Variants in IQCJ observed in about 807,000 individuals in gnomAD.
IQCJ encodes the protein IQ domain-containing protein J.
A neutral mutation model predicts 11.0 loss-of-function variants in IQCJ; 9 were observed. That is an observed-to-expected ratio of 0.82 (90% CI 0.49 to 1.43). The LOEUF is 1.43. IQCJ is among the 40% of genes most tolerant of loss of function. The pLI is 0.00. For synonymous variants in IQCJ, 55 were observed against 51.3 expected (o/e 1.07, Z -0.31); for missense variants, 146 against 133.2 (o/e 1.10, Z -0.47).
chr3:159,085,488 G>A (rs1173823190), intron 1 of IQCJ, among the ~76,000 whole-genome samples: 23 of 150,536 alleles, frequency 1.5e-4, no homozygotes, highest in Admixed American at 4.6e-4. Flanking sequence ...CTGAGGAATC[G>A]CCACACTGAC....
At chr3:159,117,401 A>G (rs1719094990) in intron 1 of IQCJ, among the ~76,000 whole-genome samples, 1 of 152,196 alleles carries the variant, frequency 6.6e-6, no homozygotes, top group South Asian at 2.1e-4. Context: ...TTCCAATTCC[A>G]GGCTCTAGAT....
chr3:159,252,009 C>A (rs1490836247), intron 2 of IQCJ, among the ~76,000 whole-genome samples: 2 of 152,086 alleles, frequency 1.3e-5, no homozygotes, highest in East Asian at 1.9e-4. Context: ...CTATTTTTTT[C>A]ATCCACTTCG....
At chr3:159,186,528 A>G (rs775652909) in intron 1 of IQCJ, among the ~76,000 whole-genome samples, 2 of 152,194 alleles carry the variant, frequency 1.3e-5, no homozygotes, top group Non-Finnish European at 2.9e-5. Flanking sequence ...TCTGTTATTC[A>G]GAATCAGCAA....
intron 1 of IQCJ, among the ~76,000 whole-genome samples, chr3:159,215,568 A>C (rs78078731): frequency 0.035 from 5,357 of 152,324 alleles, 286 homozygotes; most frequent in African/African-American, 0.12. Flanking sequence ...GTAGAAAACC[A>C]GACACATTTA....
At chr3:159,087,493 G>A (rs1031446647) in intron 1 of IQCJ, among the ~76,000 whole-genome samples, 3 of 151,888 alleles carry the variant, frequency 2.0e-5, no homozygotes, top group Non-Finnish European at 2.9e-5. Flanking sequence ...AGAAGGAATG[G>A]TACCAAGTCC....
intron 1 of IQCJ, among the ~76,000 whole-genome samples, chr3:159,240,977 T>C (rs1357150141): frequency 1.3e-5 from 2 of 152,254 alleles, no homozygotes; most frequent in Non-Finnish European, 2.9e-5. Context: ...ACTTTTATAA[T>C]GCTATGGCTC....
At chr3:159,130,531 C>A (rs1275844884) in intron 1 of IQCJ, among the ~76,000 whole-genome samples, 1 of 152,114 alleles carries the variant, frequency 6.6e-6, no homozygotes, top group Non-Finnish European at 1.5e-5. Context: ...TAAGATGTTT[C>A]CTCATCTGTA....
intron 1 of IQCJ, among the ~76,000 whole-genome samples, chr3:159,158,608 T>C (rs1162071382): frequency 5.3e-5 from 8 of 152,218 alleles, no homozygotes; most frequent in Non-Finnish European, 8.8e-5. Context: ...AAGTCAAGGA[T>C]TGGTGAACTT....
chr3:159,166,707 C>T (rs1444998812), intron 1 of IQCJ, among the ~76,000 whole-genome samples: 1 of 152,126 alleles, frequency 6.6e-6, no homozygotes, highest in Non-Finnish European at 1.5e-5. Flanking sequence ...AGGATGGTTT[C>T]CTCAGGTTAC....
In IQCJ at chr3:159,241,722, T is replaced by C. The variant is rs116115221; in HGVS notation, c.10-4121T>C. ...AAATCCTAAGGTAAAGTTTAAATAA[T>C]TAACATTGGTTGAGCAACTACTATG... On this transcript the variant is annotated intron_variant, in intron 1 of 3. Coordinates refer to ENST00000397832, the MANE Select transcript of IQCJ (RefSeq NM_001042706.3). Among the ~76,000 whole-genome samples the C allele has an allele frequency of 1.2e-3, 187 of 152,306 alleles. 1 individual carries two copies. Among genetic ancestry groups the C allele is most frequent in the African/African-American group, 4.4e-3 (181 of 41,570 alleles).
intron 1 of IQCJ, among the ~76,000 whole-genome samples, chr3:159,163,681 A>T (rs1362203427): frequency 6.6e-6 from 1 of 152,102 alleles, no homozygotes; most frequent in African/African-American, 2.4e-5. Flanking sequence ...TTCATGTATT[A>T]TCTCACTTGA....
intron 1 of IQCJ, among the ~76,000 whole-genome samples, chr3:159,134,303 C>T (rs1720161425): frequency 6.6e-6 from 1 of 152,220 alleles, no homozygotes; most frequent in South Asian, 2.1e-4. Flanking sequence ...ATCACCTTTG[C>T]CACATTCTGT....
chr3:159,157,690 C>T (rs1721603450), intron 1 of IQCJ, among the ~76,000 whole-genome samples: 1 of 152,196 alleles, frequency 6.6e-6, no homozygotes, highest in Non-Finnish European at 1.5e-5. Context: ...ACATGATTCT[C>T]ATGGCCCAGC....
At chr3:159,169,030 C>T (rs1252928277) in intron 1 of IQCJ, among the ~76,000 whole-genome samples, 1 of 152,018 alleles carries the variant, frequency 6.6e-6, no homozygotes, top group African/African-American at 2.4e-5. Context: ...AGCACATACT[C>T]TCTGAAGGAC....
intron 1 of IQCJ, among the ~76,000 whole-genome samples, chr3:159,126,572 G>C (rs1719689186): frequency 1.3e-5 from 2 of 152,172 alleles, no homozygotes; most frequent in South Asian, 4.1e-4. Context: ...AAAAAGGACA[G>C]GGTAGGTTCT....
intron 1 of IQCJ, among the ~76,000 whole-genome samples, chr3:159,170,666 G>A (rs931145615): frequency 2.1e-5 from 3 of 142,798 alleles, no homozygotes; most frequent in African/African-American, 7.9e-5. Flanking sequence ...TCTTGTTTTC[G>A]CTTGGCTTTG....
chr3:159,111,343 G>C (rs966928175), intron 1 of IQCJ, among the ~76,000 whole-genome samples: 3 of 152,056 alleles, frequency 2.0e-5, no homozygotes, highest in African/African-American at 7.2e-5. Context: ...GAACATACTT[G>C]TATTTGAACT....
intron 1 of IQCJ, among the ~76,000 whole-genome samples, chr3:159,108,745 C>T (rs1229048486): frequency 1.3e-5 from 2 of 152,206 alleles, no homozygotes; most frequent in East Asian, 1.9e-4. Context: ...CATCTTGATA[C>T]TTTCATATGC....
At chr3:159,153,473 G>A (rs538404142) in intron 1 of IQCJ, among the ~76,000 whole-genome samples, 7 of 152,222 alleles carry the variant, frequency 4.6e-5, no homozygotes, top group Admixed American at 2.6e-4. Context: ...ATTAATTCCC[G>A]TTCATTTCTT....
Sources: gnomAD v4.1 joint callset for allele counts (sites outside exome capture counted in the v4.1 genomes callset) on GRCh38, gnomAD v4.1.1 for gene constraint, MANE v1.5 for transcripts, NCBI Gene and HGNC (gene_info 2026-07-23, HGNC 2026-07-21) for gene names.